Variants in MYO1D observed in about 807,000 individuals in gnomAD.
MYO1D encodes unconventional myosin-Id.
Under a neutral mutation model 122.0 loss-of-function variants are expected in MYO1D, and 83 were observed. That is an observed-to-expected ratio of 0.68 (90% CI 0.57 to 0.82). MYO1D has a LOEUF of 0.82. Among genes scored for constraint, MYO1D ranks in the 40% least tolerant of loss-of-function variants. MYO1D has a pLI of 0.00. For missense variants in MYO1D, 1,157 were observed against 1,269.5 expected (o/e 0.91, Z 1.35); for synonymous variants, 464 against 446.9 (o/e 1.04, Z -0.48).
At chr17:32,523,057 T>C (rs951601233) in intron 21 of MYO1D, among the ~76,000 whole-genome samples, 3 of 152,276 alleles carry the variant, frequency 2.0e-5, no homozygotes, top group East Asian at 3.9e-4. Context: ...CCTTGTGATC[T>C]GCCCACCTTG....
At chr17:32,630,125 T>A (rs563494404) in intron 20 of MYO1D, among the ~76,000 whole-genome samples, 160 of 152,208 alleles carry the variant, frequency 1.1e-3, no homozygotes, top group Non-Finnish European at 1.8e-3. Context: ...TTTATAAAGA[T>A]GTGTATATAC....
At chr17:32,721,288 C>T in intron 14 of MYO1D, 99 bp from the exon 15 acceptor site, 12 of 1,074,336 alleles carry the variant, frequency 1.1e-5, no homozygotes, top group Non-Finnish European at 1.6e-5. Context: ...AAGTTAAGCT[C>T]AGTGCCTCTA....
Position 32,744,302 on chromosome 17 carries a change from A to G in MYO1D, c.1613+909T>C, listed in dbSNP as rs1293573974. Among the ~76,000 whole-genome samples, 3 of 152,108 alleles carry G rather than the reference A, an allele frequency of 2.0e-5. No individual in the cohort carries two copies. In the South Asian group the frequency reaches 6.2e-4, roughly 31 times the overall value. ...AGGTCTCTGCTGAAATGTCACCTCT[A>G]TAAGAGGCCTTTTCTGACTACCCTA... On this transcript the variant is annotated intron_variant, in intron 13 of 21. Coordinates refer to ENST00000318217, the MANE Select transcript of MYO1D (RefSeq NM_015194.3).
At chr17:32,866,985 T>C (rs934226619) in intron 1 of MYO1D, among the ~76,000 whole-genome samples, 7 of 152,222 alleles carry the variant, frequency 4.6e-5, no homozygotes, top group Non-Finnish European at 8.8e-5. Flanking sequence ...AGTACATACA[T>C]ATAGACAGCT....
At chr17:32,825,189 A>G (rs766719192) in intron 1 of MYO1D, among the ~76,000 whole-genome samples, 33 of 152,252 alleles carry the variant, frequency 2.2e-4, no homozygotes, top group Admixed American at 9.8e-4. Context: ...ACTGAAATTA[A>G]GTACTACTAC....
At chr17:32,694,059 T>C (rs1190283092) in intron 16 of MYO1D, among the ~76,000 whole-genome samples, 1 of 152,256 alleles carries the variant, frequency 6.6e-6, no homozygotes, top group Non-Finnish European at 1.5e-5. Context: ...TTGTACATAG[T>C]AATGCTATTC....
chr17:32,531,995 C>A (rs1438422972), intron 21 of MYO1D, among the ~76,000 whole-genome samples: 3 of 152,188 alleles, frequency 2.0e-5, no homozygotes, highest in Non-Finnish European at 2.9e-5. Flanking sequence ...CATCTGGCTG[C>A]AAACCACCAT....
intron 8 of MYO1D, among the ~76,000 whole-genome samples, chr17:32,764,109 A>G (rs983063181): frequency 2.0e-5 from 3 of 152,192 alleles, no homozygotes; most frequent in African/African-American, 7.2e-5. Flanking sequence ...TTGTGGTACT[A>G]TCACTGCAGG....
At chr17:32,527,573 G>A (rs954819383) in intron 21 of MYO1D, among the ~76,000 whole-genome samples, 1 of 152,146 alleles carries the variant, frequency 6.6e-6, no homozygotes. Flanking sequence ...TGGGAGGATC[G>A]CTTGAGCCCA....
chr17:32,563,212 T>C (rs934056062), intron 21 of MYO1D, among the ~76,000 whole-genome samples: 10 of 136,936 alleles, frequency 7.3e-5, no homozygotes, highest in South Asian at 2.5e-4. Flanking sequence ...CTCTCTTTTT[T>C]TTTTTTTTTT....
chr17:32,581,268 T>C (rs750236875), intron 21 of MYO1D, among the ~76,000 whole-genome samples: 23 of 152,168 alleles, frequency 1.5e-4, no homozygotes, highest in Non-Finnish European at 2.9e-4. Flanking sequence ...TTAATATTGA[T>C]AGAATTTGTA....
chr17:32,867,468 A>C (rs2091137249), intron 1 of MYO1D, among the ~76,000 whole-genome samples: 1 of 152,142 alleles, frequency 6.6e-6, no homozygotes, highest in Non-Finnish European at 1.5e-5. Context: ...AACCCCCACC[A>C]AAGTACCCAA....
intron 1 of MYO1D, among the ~76,000 whole-genome samples, chr17:32,817,568 C>T (rs1256080266): frequency 1.3e-5 from 2 of 152,138 alleles, no homozygotes; most frequent in Admixed American, 6.5e-5. Context: ...AAAGCCTATA[C>T]ATTTATGACT....
intron 21 of MYO1D, among the ~76,000 whole-genome samples, chr17:32,552,885 C>T (rs1356216753): frequency 2.0e-5 from 3 of 152,084 alleles, no homozygotes; most frequent in African/African-American, 4.8e-5. Flanking sequence ...TTAAAACCAA[C>T]ATTTAGAATG....
chr17:32,822,616 C>G (rs1184839299), intron 1 of MYO1D, among the ~76,000 whole-genome samples: 1 of 148,774 alleles, frequency 6.7e-6, no homozygotes, highest in Admixed American at 6.7e-5. Flanking sequence ...GGGCCCGTGG[C>G]CCGCCGGCCC....
rs529489566 is a variant in MYO1D at position 32,785,994 on chromosome 17, C to G, written c.96-5210G>C. Reference sequence around the variant, plus strand: ...ACTAGCCACAACTCTGAACCACAATCTAGGAAGAAAGATTGTGAAAAGCTA... The same window carrying G: ...ACTAGCCACAACTCTGAACCACAATGTAGGAAGAAAGATTGTGAAAAGCTA... On this transcript the variant is annotated intron_variant, in intron 1 of 21. Transcript: ENST00000318217. Among the ~76,000 whole-genome samples the G allele has an allele frequency of 7.9e-5, 12 of 152,314 alleles. No homozygotes were observed. In the South Asian group the frequency reaches 2.3e-3, roughly 29 times the overall value.
chr17:32,666,992 T>C (rs1253015983), intron 16 of MYO1D, among the ~76,000 whole-genome samples: 3 of 152,212 alleles, frequency 2.0e-5, no homozygotes, highest in Non-Finnish European at 4.4e-5. Flanking sequence ...ATGGGGAACT[T>C]TGAGAGTCCA....
chr17:32,587,524 A>G (rs1480169677), intron 21 of MYO1D, among the ~76,000 whole-genome samples: 1 of 152,140 alleles, frequency 6.6e-6, no homozygotes, highest in Non-Finnish European at 1.5e-5. Flanking sequence ...AAAAAAAAAA[A>G]AAAAAAGTCA....
intron 1 of MYO1D, among the ~76,000 whole-genome samples, chr17:32,854,969 C>T (rs570604846): frequency 1.1e-4 from 17 of 152,220 alleles, no homozygotes; most frequent in Admixed American, 5.9e-4. Flanking sequence ...CACTCACACA[C>T]GCACACATCC....
Sources: allele counts gnomAD v4.1 joint callset (sites outside exome capture counted in the v4.1 genomes callset), GRCh38; gene constraint gnomAD v4.1.1; transcripts MANE v1.5; gene names NCBI Gene and HGNC (gene_info 2026-07-23, HGNC 2026-07-21).